LINGO2: variants seen among roughly 807,000 people sequenced by gnomAD.
The protein encoded by LINGO2 is leucine-rich repeat and immunoglobulin-like domain-containing nogo receptor-interacting protein 2.
Under a neutral mutation model 30.6 loss-of-function variants are expected in LINGO2, and 14 were observed. That is an observed-to-expected ratio of 0.46 (90% confidence interval 0.30 to 0.72). The LOEUF (loss-of-function observed/expected upper bound fraction) is 0.72, where lower values mean the gene tolerates loss of function less well. LINGO2 is among the 30% of genes least tolerant of loss of function. The pLI is 0.07. For missense variants in LINGO2, 729 were observed against 751.7 expected, an observed-to-expected ratio of 0.97 and a Z score of 0.35; for synonymous variants, 317 against 288.5, an observed-to-expected ratio of 1.10 and a Z score of -1.00.
intron 1 of LINGO2, among the ~76,000 whole-genome samples, chr9:28,516,454 GC>G (rs1368138701): frequency 2.0e-5 from 3 of 152,166 alleles, no homozygotes; most frequent in African/African-American, 7.2e-5. Flanking sequence ...TGGAGCCACA[GC>G]CTGTTGGTTT....
chr9:28,433,394 A>G (rs959940685), intron 2 of LINGO2, among the ~76,000 whole-genome samples: 1 of 152,132 alleles, frequency 6.6e-6, no homozygotes, highest in African/African-American at 2.4e-5. Flanking sequence ...CATATCAGGC[A>G]TCATGCTGAG....
chr9:28,933,771 C>T, the LINGO2 span, among the ~76,000 whole-genome samples: 2 of 152,214 alleles, frequency 1.3e-5, no homozygotes, highest in African/African-American at 2.4e-5. Flanking sequence ...CCAACAATTG[C>T]TTGTCCAGCT....
At chr9:28,499,850 A>G (rs1819813816) in intron 1 of LINGO2, among the ~76,000 whole-genome samples, 1 of 152,122 alleles carries the variant, frequency 6.6e-6, no homozygotes, top group African/African-American at 2.4e-5. Context: ...CTAATTAGAG[A>G]ATAGTAGATA....
intron 1 of LINGO2, among the ~76,000 whole-genome samples, chr9:28,521,060 T>C (rs966250345): frequency 1.3e-5 from 2 of 152,148 alleles, no homozygotes; most frequent in African/African-American, 2.4e-5. Flanking sequence ...TGTCTTCCCC[T>C]TTGAGAGTTT....
intron 2 of LINGO2, among the ~76,000 whole-genome samples, chr9:28,378,611 C>T (rs1055308691): frequency 6.6e-6 from 1 of 152,140 alleles, no homozygotes; most frequent in Non-Finnish European, 1.5e-5. Context: ...GATGAGGCTA[C>T]GGAACTGTTG....
intron 2 of LINGO2, among the ~76,000 whole-genome samples, chr9:28,429,150 T>C (rs192561156): frequency 1.5e-4 from 23 of 152,328 alleles, no homozygotes; most frequent in Non-Finnish European, 2.9e-4. Context: ...CTTAGCACAT[T>C]TATCTGTTTA....
At chr9:28,509,289 A>G (rs1340146845) in intron 1 of LINGO2, among the ~76,000 whole-genome samples, 1 of 152,166 alleles carries the variant, frequency 6.6e-6, no homozygotes, top group East Asian at 1.9e-4. Context: ...TCGGACATGA[A>G]AAATCTCAGA....
At chr9:29,129,298 C>T in the LINGO2 span, among the ~76,000 whole-genome samples, 1 of 152,014 alleles carries the variant, frequency 6.6e-6, no homozygotes, top group Admixed American at 6.6e-5. Context: ...TGTTTCATAT[C>T]TCAGTTTCCA....
intron 1 of LINGO2, among the ~76,000 whole-genome samples, chr9:28,620,987 AT>A (rs1217480591): frequency 6.6e-6 from 1 of 152,088 alleles, no homozygotes; most frequent in African/African-American, 2.4e-5. Context: ...AATCAAAGTT[AT>A]AAAAACCAGT....
chr9:28,907,706 C>G, the LINGO2 span, among the ~76,000 whole-genome samples: 1 of 151,620 alleles, frequency 6.6e-6, no homozygotes, highest in Non-Finnish European at 1.5e-5. Flanking sequence ...AGGGGCCAGA[C>G]TTAATGACAA....
chr9:28,021,074 G>C (rs932238121), intron 4 of LINGO2, among the ~76,000 whole-genome samples: 1 of 150,948 alleles, frequency 6.6e-6, no homozygotes, highest in African/African-American at 2.4e-5. Context: ...CTTTTCTTCT[G>C]TTGCTTTAGG....
chr9:28,844,095 C>A, the LINGO2 span, among the ~76,000 whole-genome samples: 295 of 151,936 alleles, frequency 1.9e-3, 9 homozygotes, highest in African/African-American at 7.1e-3. Context: ...GGCACAGTGG[C>A]TCATGACCGT....
intron 4 of LINGO2, among the ~76,000 whole-genome samples, chr9:28,163,724 T>G (rs1435371558): frequency 6.6e-6 from 1 of 152,200 alleles, no homozygotes; most frequent in Admixed American, 6.5e-5. Flanking sequence ...TTTTCTTTTT[T>G]GCAGATGACA....
chr9:28,938,042 T>C, the LINGO2 span, among the ~76,000 whole-genome samples: 3 of 152,182 alleles, frequency 2.0e-5, no homozygotes, highest in Admixed American at 2.0e-4. Context: ...AGTTGGGATT[T>C]GGTTTTCTGT....
At chr9:29,055,938 G>GTATATATATA in the LINGO2 span, among the ~76,000 whole-genome samples, 6 of 99,816 alleles carry the variant, frequency 6.0e-5, no homozygotes, top group African/African-American at 2.4e-4. Context: ...GTATGTGTGT[G>GTATATATATA]TGTATATATA....
intron 1 of LINGO2, among the ~76,000 whole-genome samples, chr9:28,664,463 C>T (rs918371585): frequency 1.3e-5 from 2 of 151,968 alleles, no homozygotes; most frequent in African/African-American, 4.8e-5. Flanking sequence ...GATTGGATGC[C>T]TTCAAGGGAA....
intron 4 of LINGO2, among the ~76,000 whole-genome samples, chr9:28,054,653 CTT>C (rs1174448682): frequency 6.6e-6 from 1 of 152,090 alleles, no homozygotes; most frequent in Non-Finnish European, 1.5e-5. Flanking sequence ...ATTAATTTGA[CTT>C]TGTCTTTTGG....
At chr9:28,736,409 C>T in the LINGO2 span, among the ~76,000 whole-genome samples, 908 of 152,272 alleles carry the variant, frequency 6.0e-3, 10 homozygotes, top group Middle Eastern at 0.014. Flanking sequence ...TAAGTAGCCA[C>T]GCAGTCTAAA....
At chr9:28,684,463 A>G in the LINGO2 span, among the ~76,000 whole-genome samples, 4 of 150,010 alleles carry the variant, frequency 2.7e-5, no homozygotes, top group Non-Finnish European at 5.9e-5. Flanking sequence ...TGCTGGGATT[A>G]CAGGCGTGAG....
Sources: allele counts gnomAD v4.1 joint callset (sites outside exome capture counted in the v4.1 genomes callset), GRCh38; gene constraint gnomAD v4.1.1; transcripts MANE v1.5; gene names NCBI Gene and HGNC (gene_info 2026-07-23, HGNC 2026-07-21).